The following LCOR variants were observed in gnomAD, a reference collection of about 807,000 sequenced individuals.
LCOR encodes the protein ligand dependent nuclear receptor corepressor.
Under a neutral mutation model 64.4 loss-of-function variants are expected in LCOR, and 14 were observed. That is an observed-to-expected ratio of 0.22 (90% CI 0.14 to 0.34). The LOEUF (loss-of-function observed/expected upper bound fraction) is 0.34, where lower values mean the gene tolerates loss of function less well. Among genes scored for constraint, LCOR ranks in the 10% least tolerant of loss-of-function variants. LCOR has a pLI of 1.00. For missense variants in LCOR, 1,686 were observed against 1,765.3 expected (o/e 0.96, Z 0.80); for synonymous variants, 643 against 642.5 (o/e 1.00, Z -0.01).
rs555071564 is a variant in LCOR at position 96,995,351 on chromosome 10, G to A, written c.*10217G>A. ...CCAAGCGTGTGCTCCTGGCCTGTGT[G>A]ACAGTGTCTTTCCCGAAGCAGTGAA... On this transcript the variant is annotated 3_prime_UTR_variant, in exon 8 of 8. Coordinates refer to ENST00000421806, the MANE Select transcript of LCOR (RefSeq NM_001346516.2). The surrounding 1 kb of genome is among the most constrained non-coding windows in gnomAD (Gnocchi z 4.2). 5 of 152,352 alleles carry A rather than the reference G, an allele frequency of 3.3e-5. No homozygotes were observed. The highest frequency in any genetic ancestry group is 1.2e-4 in the African/African-American group (5 of 41,566). The allele number at this position is 152,352 out of a possible 1,614,324, so 9.4% of individuals were successfully genotyped here.
In LCOR at chr10:96,980,877, T is replaced by G. The variant is rs1457357409; in HGVS notation, c.417T>G (p.Thr139=). Residue 139 remains threonine (T), a synonymous_variant, in exon 8 of 8, where the codon ACT becomes ACG. Coordinates refer to ENST00000421806, the MANE Select transcript of LCOR (RefSeq NM_001346516.2). The stretch of plus-strand genomic sequence containing the variant: ...AGAAATTTATGGTCAAACTGTGTAC[T>G]CATCATCAAAAGCAATTCATTCGTG... ...PLEKFMVKLC[T]HHQKQFIRVL... is the part of the protein sequence containing the mutation. 1.4e-6 allele frequency: 1 copy of G among 702,906 alleles called. No homozygotes were observed. The highest frequency in any genetic ancestry group is 1.7e-5 in the African/African-American group (1 of 57,252). The allele number at this position is 702,906 out of a possible 1,614,324, so 43.5% of individuals were successfully genotyped here.
chr10:96,869,706 C>T (rs1023464126), intron 2 of LCOR, among the ~76,000 whole-genome samples: 7 of 151,748 alleles, frequency 4.6e-5, no homozygotes, highest in African/African-American at 1.7e-4. Flanking sequence ...TTCCAAGTAG[C>T]TGGGATTATA....
chr10:96,874,374 T>G (rs747352231), intron 2 of LCOR, among the ~76,000 whole-genome samples: 4 of 152,214 alleles, frequency 2.6e-5, no homozygotes, highest in Non-Finnish European at 4.4e-5. Context: ...CAATGACTCC[T>G]TATAATCTTC....
At chr10:96,913,935 G>A (rs930244361) in intron 4 of LCOR, among the ~76,000 whole-genome samples, 5 of 151,984 alleles carry the variant, frequency 3.3e-5, no homozygotes, top group Admixed American at 2.0e-4. Flanking sequence ...AACTTGATCT[G>A]TGTTTTTGAA....
At chr10:96,897,598 A>G (rs1422118592) in intron 2 of LCOR, among the ~76,000 whole-genome samples, 1 of 152,226 alleles carries the variant, frequency 6.6e-6, no homozygotes, top group Non-Finnish European at 1.5e-5. Context: ...GGCATTATGT[A>G]TGTAAATACT....
At chr10:96,932,609 G>A (rs1038250214) in intron 4 of LCOR, among the ~76,000 whole-genome samples, 1 of 152,042 alleles carries the variant, frequency 6.6e-6, no homozygotes. Context: ...GACTACAGGC[G>A]CACGCCACCA....
intron 2 of LCOR, 28 bp from the exon 3 acceptor site, chr10:96,907,237 G>T (rs1846745325): frequency 1.2e-6 from 1 of 820,448 alleles, no homozygotes; most frequent in South Asian, 5.6e-5. Flanking sequence ...TATTATTGTG[G>T]TAATGGATTT....
intron 7 of LCOR, chr10:96,955,549 A>G: frequency 6.2e-7 from 1 of 1,614,188 alleles, no homozygotes; most frequent in Non-Finnish European, 8.5e-7. Context: ...GCTGGACCCG[A>G]TTCTTGGGGC....
chr10:96,839,984 A>G (rs748169986), intron 2 of LCOR, among the ~76,000 whole-genome samples: 1 of 152,014 alleles, frequency 6.6e-6, no homozygotes, highest in African/African-American at 2.4e-5. Context: ...CCTGGTTTAT[A>G]TTTTGTTTCC....
chr10:96,864,106 CA>C (rs759272958), intron 2 of LCOR, among the ~76,000 whole-genome samples: 1 of 152,034 alleles, frequency 6.6e-6, no homozygotes, highest in Non-Finnish European at 1.5e-5. Context: ...TCTTAAGGTC[CA>C]ATATCTTAGA....
intron 7 of LCOR, among the ~76,000 whole-genome samples, chr10:96,967,041 G>A (rs767084869): frequency 9.2e-5 from 14 of 152,228 alleles, no homozygotes; most frequent in Non-Finnish European, 1.8e-4. Flanking sequence ...CTGGCCGACT[G>A]TAGAGGTTTT....
At chr10:96,963,613 G>T (rs1224743569) in intron 7 of LCOR, 3 of 152,202 alleles carry the variant, frequency 2.0e-5, no homozygotes, top group African/African-American at 7.2e-5. Flanking sequence ...GTCTAGGTCT[G>T]CATATCAGCA....
Position 96,987,729 on chromosome 10 carries a change from A to G in LCOR, c.*2595A>G, listed in dbSNP as rs955450921. On this transcript the variant is annotated 3_prime_UTR_variant, in exon 8 of 8. Coordinates refer to ENST00000421806, the MANE Select transcript of LCOR (RefSeq NM_001346516.2). The stretch of plus-strand genomic sequence containing the variant: ...ATTCAGTTAATTTTGTTAATAGAAG[A>G]AAGAAAACAGCAAAACTTGAGGGCT... 3 of 152,222 alleles carry G rather than the reference A, an allele frequency of 2.0e-5. No homozygotes were observed. The highest frequency in any genetic ancestry group is 7.2e-5 in the African/African-American group (3 of 41,452). The allele number at this position is 152,222 out of a possible 1,614,324, so 9.4% of individuals were successfully genotyped here.
At chr10:96,856,145 G>A (rs372113513) in intron 2 of LCOR, among the ~76,000 whole-genome samples, 12 of 144,504 alleles carry the variant, frequency 8.3e-5, no homozygotes, top group African/African-American at 2.6e-4. Flanking sequence ...ATCTCACCTC[G>A]CTGCAACCTC....
intron 2 of LCOR, among the ~76,000 whole-genome samples, chr10:96,882,510 A>C (rs965584881): frequency 2.0e-5 from 3 of 152,318 alleles, no homozygotes; most frequent in Non-Finnish European, 2.9e-5. Context: ...TTGCTCCCAC[A>C]CATGTACAGC....
intron 2 of LCOR, among the ~76,000 whole-genome samples, chr10:96,848,850 TAAC>T (rs1238599428): frequency 1.3e-5 from 2 of 152,108 alleles, no homozygotes; most frequent in Non-Finnish European, 2.9e-5. Context: ...TTTTGGATGA[TAAC>T]AGTTTTTCAT....
chr10:96,958,906 T>TAAAAAAAAAAAAAACAA (rs1847826885), intron 7 of LCOR: 1 of 103,890 alleles, frequency 9.6e-6, no homozygotes, highest in Admixed American at 1.0e-4. Flanking sequence ...AAGAAAAACT[T>TAAAAAAAAAAAAAACAA]AAAAAAAAAA....
At chr10:96,919,673 T>C (rs1000866230) in intron 4 of LCOR, among the ~76,000 whole-genome samples, 1 of 152,158 alleles carries the variant, frequency 6.6e-6, no homozygotes, top group African/African-American at 2.4e-5. Context: ...CTCCTCTCTT[T>C]AGCCCCTGGC....
intron 7 of LCOR, among the ~76,000 whole-genome samples, chr10:96,975,317 A>T (rs566298508): frequency 6.6e-6 from 1 of 152,338 alleles, no homozygotes; most frequent in Non-Finnish European, 1.5e-5. Context: ...CCTTTTAATG[A>T]CACCTGGACA....
Sources: allele counts gnomAD v4.1 joint callset (sites outside exome capture counted in the v4.1 genomes callset), GRCh38; gene constraint gnomAD v4.1.1; non-coding constraint Gnocchi (gnomAD v3.1); transcripts MANE v1.5; gene names NCBI Gene and HGNC (gene_info 2026-07-23, HGNC 2026-07-21).